HAT1: variants seen among roughly 807,000 people sequenced by gnomAD.
HAT1 encodes histone acetyltransferase type B catalytic subunit.
HAT1 carries 20 observed loss-of-function variants against 56.6 expected under a neutral mutation model. That is an observed-to-expected ratio of 0.35 (90% CI 0.25 to 0.51). The LOEUF (loss-of-function observed/expected upper bound fraction) is 0.51, where lower values mean the gene tolerates loss of function less well. HAT1 is among the 20% of genes least tolerant of loss of function. HAT1 has a pLI of 0.95. For missense variants in HAT1, 408 were observed against 504.3 expected (o/e 0.81, Z 1.83); for synonymous variants, 146 against 165.5 (o/e 0.88, Z 0.91).
rs183793781 is a variant in HAT1, at chr2:171,925,360, G to A, written c.8-177G>A. On this transcript the variant is annotated intron_variant, in intron 1 of 10. Coordinates refer to ENST00000264108, the MANE Select transcript of HAT1 (RefSeq NM_003642.4). ...GCTGGGATTACAGGCGTGAGCCACC[G>A]TGCCCAGCTGGCATTCTTAATACAT... Among the ~76,000 whole-genome samples, 667 of 152,238 alleles carry A rather than the reference G, an allele frequency of 4.4e-3. 2 individuals are homozygous for A. The highest frequency in any genetic ancestry group is 7.8e-3 in the Non-Finnish European group (528 of 68,020).
intron 1 of HAT1, chr2:171,924,287 C>T (rs1686520780): frequency 6.6e-6 from 1 of 151,228 alleles, no homozygotes; most frequent in African/African-American, 2.4e-5. Context: ...GCAACCTTTG[C>T]CTTCTGGATT....
At chr2:171,952,332 G>A (rs1687329492) in intron 3 of HAT1, among the ~76,000 whole-genome samples, 2 of 152,226 alleles carry the variant, frequency 1.3e-5, no homozygotes. Context: ...AGGCATAAAT[G>A]TGATAGCAGG....
chr2:171,983,186 A>G lies in HAT1; in HGVS notation c.1094A>G (p.Lys365Arg). Residue 365 changes from lysine (K) to arginine (R), a missense_variant and splice_region_variant, in exon 11 of 11, where the codon AAA becomes AGA. Lys to Arg is a conservative substitution (Grantham distance 26). Transcript: ENST00000264108. Reference sequence around the variant, plus strand: ...AACAAATAATTGTTTGTCACTTAGAAAAAGCAGAGAGATCTTGCTAAGATG... The same window carrying G: ...AACAAATAATTGTTTGTCACTTAGAGAAAGCAGAGAGATCTTGCTAAGATG... ...IKRRLISPYK[K>R]KQRDLAKMRK... 1 of 1,536,100 alleles carries G rather than the reference A, an allele frequency of 6.5e-7. No individual in the cohort carries two copies. The highest frequency in any genetic ancestry group is 8.8e-7 in the Non-Finnish European group (1 of 1,137,256).
intron 2 of HAT1, among the ~76,000 whole-genome samples, chr2:171,946,404 C>T (rs906205371): frequency 6.6e-6 from 1 of 152,152 alleles, no homozygotes; most frequent in Non-Finnish European, 1.5e-5. Flanking sequence ...TTACTCATTG[C>T]ATTGTGCATA....
At position 171,983,473 on chromosome 2, in the gene HAT1, T is replaced by C. The variant is rs1205866479; in HGVS notation, c.*121T>C. ...GCTTATACTAAAAGTTATCTATCTT[T>C]AGTTGAATATTTTCTTTTGGAGAGA... On this transcript the variant is annotated 3_prime_UTR_variant, in exon 11 of 11. Coordinates refer to ENST00000264108, the MANE Select transcript of HAT1 (RefSeq NM_003642.4). 1 of 489,644 alleles carries C rather than the reference T, an allele frequency of 2.0e-6. No individual in the cohort carries two copies. The highest frequency in any genetic ancestry group is 3.7e-5 in the Admixed American group (1 of 27,152). 30.3% of individuals were successfully genotyped at this position (489,644 alleles called of 1,614,324 possible). A position where few individuals can be genotyped will look rare whatever the true frequency, so the allele number is the denominator to read the frequency against.
chr2:171,928,511 TTTG>T lies in HAT1; in HGVS notation c.112+2882_112+2884del, dbSNP rs879928503. The stretch of plus-strand genomic sequence containing the variant: ...TACCAGTAGTTCATTCCCCATTTTT[TTTG>T]TTGTTGTTGTTTGAGACAGAGTCTC... On this transcript the variant is annotated intron_variant, in intron 2 of 10. Coordinates refer to ENST00000264108, the MANE Select transcript of HAT1 (RefSeq NM_003642.4). Among the ~76,000 whole-genome samples, 6 of 152,120 alleles carry T rather than the reference TTTG, an allele frequency of 3.9e-5. No individual in the cohort carries two copies. In the East Asian group the frequency reaches 7.7e-4, roughly 20 times the overall value.
chr2:171,923,138 T>TGTG (rs1356604715), intron 1 of HAT1: 1 of 152,288 alleles, frequency 6.6e-6, no homozygotes, highest in Non-Finnish European at 1.5e-5. Flanking sequence ...TATAATACAA[T>TGTG]TCTCTTGTGT....
chr2:171,942,935 T>C (rs185348361), intron 2 of HAT1, among the ~76,000 whole-genome samples: 1 of 152,272 alleles, frequency 6.6e-6, no homozygotes. Context: ...TTTTTACCCA[T>C]CACTACCAAA....
At chr2:171,927,303 T>C (rs527728312) in intron 2 of HAT1, among the ~76,000 whole-genome samples, 12 of 152,370 alleles carry the variant, frequency 7.9e-5, no homozygotes, top group African/African-American at 2.4e-4. Flanking sequence ...AGTTTCCTCA[T>C]TGTTAATAGT....
intron 2 of HAT1, among the ~76,000 whole-genome samples, chr2:171,926,515 A>G (rs1177313264): frequency 6.7e-6 from 1 of 149,450 alleles, no homozygotes; most frequent in East Asian, 1.9e-4. Flanking sequence ...CTGGTCTTGA[A>G]CTCCCAACCT....
intron 1 of HAT1, chr2:171,924,569 A>T (rs1021964772): frequency 4.6e-5 from 7 of 152,164 alleles, no homozygotes; most frequent in Non-Finnish European, 8.8e-5. Flanking sequence ...GATATCTTCC[A>T]ATGTTATTTA....
intron 2 of HAT1, among the ~76,000 whole-genome samples, chr2:171,942,210 A>G (rs899326766): frequency 1.3e-5 from 2 of 152,110 alleles, no homozygotes; most frequent in African/African-American, 2.4e-5. Flanking sequence ...CAGCTGCAAC[A>G]TAGGTTTTTA....
intron 2 of HAT1, among the ~76,000 whole-genome samples, chr2:171,943,611 T>C (rs1027699050): frequency 3.3e-5 from 5 of 150,888 alleles, no homozygotes; most frequent in Non-Finnish European, 7.4e-5. Context: ...GATTCAACAG[T>C]TAACATTTTG....
At chr2:171,974,748 T>C (rs1308258249) in intron 8 of HAT1, among the ~76,000 whole-genome samples, 1 of 152,252 alleles carries the variant, frequency 6.6e-6, no homozygotes, top group African/African-American at 2.4e-5. Flanking sequence ...TTCCCTTCTA[T>C]TTCTAGATAG....
At chr2:171,940,004 C>T (rs1686979616) in intron 2 of HAT1, among the ~76,000 whole-genome samples, 1 of 152,084 alleles carries the variant, frequency 6.6e-6, no homozygotes, top group African/African-American at 2.4e-5. Flanking sequence ...CTCCTGGACT[C>T]AGCGATCCTC....
intron 2 of HAT1, among the ~76,000 whole-genome samples, chr2:171,933,202 G>C (rs1432054049): frequency 6.6e-6 from 1 of 152,022 alleles, no homozygotes; most frequent in African/African-American, 2.4e-5. Flanking sequence ...GACTACAGGT[G>C]TACACCACCA....
intron 9 of HAT1, among the ~76,000 whole-genome samples, chr2:171,977,539 ATATATATATATATATATATTTTT>A (rs1338363533): frequency 2.1e-4 from 6 of 28,082 alleles, no homozygotes; most frequent in Admixed American, 6.7e-4. Context: ...ATATATATAT[ATATATATATATATATATATTTTT>A]TTTTTTTTTT....
At position 171,966,717 on chromosome 2, in the gene HAT1, A is replaced by G. The variant is rs1687691384; in HGVS notation, c.717-126A>G. 5 of 633,224 alleles carry G rather than the reference A, an allele frequency of 7.9e-6. No homozygotes were observed. In the East Asian group the frequency reaches 8.2e-5, roughly 10 times the overall value. The allele number at this position is 633,224 out of a possible 1,614,324, so 39.2% of individuals were successfully genotyped here. A position where few individuals can be genotyped will look rare whatever the true frequency, so the allele number is the denominator to read the frequency against. ...TTGAGTATCTTGATAATTTTTGGGTATCTCAAAGGTGGATTGAAAAAAAGA... is the reference window on the plus strand; with the variant it reads ...TTGAGTATCTTGATAATTTTTGGGTGTCTCAAAGGTGGATTGAAAAAAAGA... On this transcript the variant is annotated intron_variant, in intron 7 of 10. Transcript: ENST00000264108.
chr2:171,980,380 A>G (rs1033868568), intron 10 of HAT1: 13 of 152,164 alleles, frequency 8.5e-5, no homozygotes, highest in African/African-American at 3.1e-4. Flanking sequence ...ATTTATTAAT[A>G]TAATCTTTGT....
Sources: allele counts gnomAD v4.1 joint callset (sites outside exome capture counted in the v4.1 genomes callset), GRCh38; gene constraint gnomAD v4.1.1; transcripts MANE v1.5; gene names NCBI Gene and HGNC (gene_info 2026-07-23, HGNC 2026-07-21).